The following SLC24A2 variants were observed in gnomAD, a reference collection of about 807,000 sequenced individuals.
SLC24A2 encodes the protein sodium/potassium/calcium exchanger 2.
A neutral mutation model predicts 62.0 loss-of-function variants in SLC24A2; 36 were observed. The ratio of observed to expected loss-of-function variants is 0.58; its 90% CI spans 0.44 to 0.77. The LOEUF (loss-of-function observed/expected upper bound fraction) is 0.77. Ranked by LOEUF, SLC24A2 falls within the 30% of genes least tolerant of loss-of-function variation. The pLI, the probability that SLC24A2 is intolerant of heterozygous loss-of-function variation, is 0.00. For synonymous variants in SLC24A2, 358 were observed against 294.0 expected (o/e 1.22, Z -2.23); for missense variants, 846 against 817.9 (o/e 1.03, Z -0.42).
At chr9:19,913,512 T>G in the SLC24A2 span, among the ~76,000 whole-genome samples, 1 of 151,966 alleles carries the variant, frequency 6.6e-6, no homozygotes, top group East Asian at 1.9e-4. Context: ...AGAAAGCCAG[T>G]ATACAGGGAG....
chr9:20,182,207 G>A, the SLC24A2 span, among the ~76,000 whole-genome samples: 1 of 152,174 alleles, frequency 6.6e-6, no homozygotes, highest in Non-Finnish European at 1.5e-5. Flanking sequence ...AACCATTGTG[G>A]AAAACAGTGA....
intron 2 of SLC24A2, among the ~76,000 whole-genome samples, chr9:19,686,784 C>A (rs140104153): frequency 5.1e-4 from 77 of 152,200 alleles, no homozygotes; most frequent in African/African-American, 1.7e-3. Flanking sequence ...AATTACCCAG[C>A]CTTGGGTATG....
At chr9:19,837,817 A>C in the SLC24A2 span, among the ~76,000 whole-genome samples, 1 of 152,038 alleles carries the variant, frequency 6.6e-6, no homozygotes, top group Non-Finnish European at 1.5e-5. Context: ...TCCCATTCAC[A>C]ATTGCTTCAA....
At chr9:19,849,921 C>T in the SLC24A2 span, among the ~76,000 whole-genome samples, 5 of 152,184 alleles carry the variant, frequency 3.3e-5, no homozygotes, top group Admixed American at 3.3e-4. Flanking sequence ...GTAAAAAGAA[C>T]TGATACATGT....
intron 2 of SLC24A2, among the ~76,000 whole-genome samples, chr9:19,656,922 A>C (rs1818959078): frequency 6.6e-6 from 1 of 151,998 alleles, no homozygotes; most frequent in Non-Finnish European, 1.5e-5. Flanking sequence ...CCACCTCCTC[A>C]GGGATTCACT....
At chr9:20,153,721 C>A in the SLC24A2 span, among the ~76,000 whole-genome samples, 1 of 151,814 alleles carries the variant, frequency 6.6e-6, no homozygotes, top group Non-Finnish European at 1.5e-5. Flanking sequence ...TAGCTTCAAA[C>A]AAACGAACAC....
chr9:20,184,525 G>A, the SLC24A2 span, among the ~76,000 whole-genome samples: 3 of 152,180 alleles, frequency 2.0e-5, no homozygotes, highest in Admixed American at 6.5e-5. Context: ...CTCCAGCCTG[G>A]CAACAGAGCG....
chr9:19,665,628 T>TTTG (rs922726079), intron 2 of SLC24A2, among the ~76,000 whole-genome samples: 11 of 152,142 alleles, frequency 7.2e-5, no homozygotes, highest in African/African-American at 2.6e-4. Context: ...AGTTTCCTTA[T>TTTG]TTGTTGTTGT....
At chr9:20,224,230 G>A in the SLC24A2 span, among the ~76,000 whole-genome samples, 131,956 of 151,820 alleles carry the variant, frequency 0.87, 57,608 homozygotes, top group East Asian at 0.99. Flanking sequence ...TGACAAATAA[G>A]AATTTAAAAT....
chr9:20,061,626 T>C, the SLC24A2 span, among the ~76,000 whole-genome samples: 1,847 of 152,212 alleles, frequency 0.012, 55 homozygotes, highest in African/African-American at 0.042. Flanking sequence ...GACAATTCAA[T>C]GAGGAAAGGA....
chr9:20,234,929 C>T, the SLC24A2 span, among the ~76,000 whole-genome samples: 1 of 151,992 alleles, frequency 6.6e-6, no homozygotes, highest in Non-Finnish European at 1.5e-5. Flanking sequence ...TCTGTTTGTT[C>T]GTTTTCCTTC....
the SLC24A2 span, among the ~76,000 whole-genome samples, chr9:20,083,435 G>A: frequency 3.3e-5 from 5 of 152,338 alleles, no homozygotes; most frequent in Non-Finnish European, 2.9e-5. Flanking sequence ...AGTGAGAGGT[G>A]AGGCAGAATG....
chr9:20,072,983 G>A, the SLC24A2 span, among the ~76,000 whole-genome samples: 1 of 152,154 alleles, frequency 6.6e-6, no homozygotes, highest in Non-Finnish European at 1.5e-5. Context: ...AGGTAACACA[G>A]AGACATCACA....
chr9:19,722,442 G>C (rs1821053779), intron 2 of SLC24A2, among the ~76,000 whole-genome samples: 1 of 151,894 alleles, frequency 6.6e-6, no homozygotes, highest in Non-Finnish European at 1.5e-5. Context: ...GTCTCCTTTG[G>C]CACTATTACA....
chr9:20,285,643 C>G, the SLC24A2 span, among the ~76,000 whole-genome samples: 4 of 152,310 alleles, frequency 2.6e-5, no homozygotes, highest in South Asian at 8.3e-4. Context: ...TAATCTCATC[C>G]AAAGTCACCT....
chr9:19,856,277 A>T, the SLC24A2 span, among the ~76,000 whole-genome samples: 1 of 152,152 alleles, frequency 6.6e-6, no homozygotes, highest in Non-Finnish European at 1.5e-5. Context: ...TCTGAAGCCT[A>T]CTTCTGTCAG....
At chr9:19,886,996 G>C in the SLC24A2 span, among the ~76,000 whole-genome samples, 5 of 152,090 alleles carry the variant, frequency 3.3e-5, no homozygotes, top group Non-Finnish European at 5.9e-5. Context: ...AGTGGGAGCT[G>C]AACGACGAGA....
At chr9:20,231,586 T>C in the SLC24A2 span, among the ~76,000 whole-genome samples, 1 of 152,236 alleles carries the variant, frequency 6.6e-6, no homozygotes, top group Non-Finnish European at 1.5e-5. Flanking sequence ...ACTGATTTTG[T>C]ATCCTGAGAC....
At chr9:20,303,647 C>T in the SLC24A2 span, among the ~76,000 whole-genome samples, 2 of 152,188 alleles carry the variant, frequency 1.3e-5, no homozygotes, top group Non-Finnish European at 2.9e-5. Context: ...GATCGTCCAA[C>T]CCTTAGCTGC....
Sources: allele counts gnomAD v4.1 joint callset (sites outside exome capture counted in the v4.1 genomes callset), GRCh38; gene constraint gnomAD v4.1.1; transcripts MANE v1.5; gene names NCBI Gene and HGNC (gene_info 2026-07-23, HGNC 2026-07-21).